The following RELN variants were observed in gnomAD, a reference collection of about 807,000 sequenced individuals.
The protein encoded by RELN is reelin.
Under a neutral mutation model 427.6 loss-of-function variants are expected in RELN, and 108 were observed. The ratio of observed to expected loss-of-function variants is 0.25; its 90% CI spans 0.22 to 0.30. The LOEUF (loss-of-function observed/expected upper bound fraction) is 0.30. Among genes scored for constraint, RELN ranks in the 10% least tolerant of loss-of-function variants. The probability of loss-of-function intolerance (pLI) is 1.00; values close to 1 mark genes in which losing one functional copy is unlikely to be tolerated. For missense variants in RELN, 3,715 were observed against 4,302.8 expected (o/e 0.86, Z 3.82); for synonymous variants, 1,524 against 1,513.4 (o/e 1.01, Z -0.16).
intron 3 of RELN, among the ~76,000 whole-genome samples, chr7:103,787,411 G>T (rs1173608149): frequency 1.3e-5 from 2 of 151,776 alleles, no homozygotes; most frequent in South Asian, 4.2e-4. Context: ...TTTCTGAAAA[G>T]ATTAGCAAAA....
intron 8 of RELN, among the ~76,000 whole-genome samples, chr7:103,710,037 T>G (rs986901864): frequency 6.6e-6 from 1 of 152,122 alleles, no homozygotes; most frequent in African/African-American, 2.4e-5. Flanking sequence ...GAACGTATAT[T>G]TATCAATGTA....
chr7:103,929,023 G>T (rs1435061739), intron 1 of RELN, among the ~76,000 whole-genome samples: 3 of 152,192 alleles, frequency 2.0e-5, no homozygotes, highest in African/African-American at 4.8e-5. Context: ...AAGAGATGAG[G>T]TTAAGTCAGC....
At chr7:103,592,863 G>A (rs1348370817) in intron 27 of RELN, among the ~76,000 whole-genome samples, 2 of 152,164 alleles carry the variant, frequency 1.3e-5, no homozygotes, top group East Asian at 3.9e-4. Flanking sequence ...TTTTTCCATT[G>A]TAGTTTAGCA....
chr7:103,914,549 C>G (rs1795441229), intron 2 of RELN, among the ~76,000 whole-genome samples: 1 of 152,028 alleles, frequency 6.6e-6, no homozygotes, highest in South Asian at 2.1e-4. Flanking sequence ...TCTGGAAAAG[C>G]TAATTTTATC....
intron 1 of RELN, among the ~76,000 whole-genome samples, chr7:103,982,788 C>G (rs773921420): frequency 3.9e-4 from 60 of 152,134 alleles, no homozygotes; most frequent in Non-Finnish European, 7.3e-4. Flanking sequence ...TCGGTGCTAT[C>G]TATAACATGT....
rs1336511176 is a variant in RELN, at chr7:103,700,953, C to A, written c.859G>T (p.Ala287Ser). The A allele has an allele frequency of 6.2e-7, 1 of 1,611,850 alleles. No homozygotes were observed. Among genetic ancestry groups the A allele is most frequent in the Admixed American group, 1.7e-5 (1 of 59,968 alleles). ...YSDPSIIVLY[A>S]KNNSADWIQL... is the part of the protein sequence containing the mutation. ...ATCCAGTCCGCAGAGTTATTCTTGG[C>A]ATATAACACGATGATGCTGGGGTCT... is the stretch of plus-strand genomic sequence containing the variant. Residue 287 changes from alanine (A) to serine (S), a missense_variant, in exon 9 of 65, where the codon GCC becomes TCC. Ala to Ser is a moderately conservative substitution (Grantham distance 99, BLOSUM62 1). Around this residue, in one of 4 missense-constraint regions of RELN, gnomAD observed 2,208 missense variants for 2,361.7 expected, o/e 0.93. Transcript: ENST00000428762.
At chr7:103,911,360 G>A (rs1416309383) in intron 2 of RELN, among the ~76,000 whole-genome samples, 1 of 149,152 alleles carries the variant, frequency 6.7e-6, no homozygotes, top group Non-Finnish European at 1.5e-5. Flanking sequence ...AACAACAGGT[G>A]CTGGAGAGGA....
At chr7:103,596,047 G>A (rs2065741018) in intron 25 of RELN, among the ~76,000 whole-genome samples, 1 of 152,156 alleles carries the variant, frequency 6.6e-6, no homozygotes, top group Non-Finnish European at 1.5e-5. Flanking sequence ...AGCCCTTGGT[G>A]CAGCCATGTG....
At chr7:103,575,863 C>T (rs746843101) in intron 28 of RELN, among the ~76,000 whole-genome samples, 158 bp from the exon 29 acceptor site, 51 of 152,090 alleles carry the variant, frequency 3.4e-4, no homozygotes, top group Non-Finnish European at 6.0e-4. Context: ...TCTCTCAGAC[C>T]TTTCTCTCTC....
At chr7:103,805,546 T>C (rs991994246) in intron 3 of RELN, among the ~76,000 whole-genome samples, 4 of 152,158 alleles carry the variant, frequency 2.6e-5, no homozygotes, top group Admixed American at 6.6e-5. Context: ...GTCAGAGACA[T>C]GAGTGGGTCC....
intron 2 of RELN, among the ~76,000 whole-genome samples, chr7:103,849,198 T>C (rs1793754368): frequency 6.6e-6 from 1 of 152,258 alleles, no homozygotes; most frequent in African/African-American, 2.4e-5. Flanking sequence ...TGCTATCATG[T>C]CTGGGAGTAA....
chr7:103,918,290 G>A (rs28627926), intron 1 of RELN, among the ~76,000 whole-genome samples: 9,891 of 152,000 alleles, frequency 0.065, 1,045 homozygotes, highest in African/African-American at 0.22. Flanking sequence ...TTTAGTGCTG[G>A]CACATCAACC....
At chr7:103,615,492 T>C (rs1422369980) in intron 20 of RELN, among the ~76,000 whole-genome samples, 1 of 152,162 alleles carries the variant, frequency 6.6e-6, no homozygotes. Flanking sequence ...CCTCAGAACC[T>C]TGCCTACAAC....
chr7:103,631,429 G>A (rs1832465421), intron 19 of RELN, among the ~76,000 whole-genome samples: 1 of 151,512 alleles, frequency 6.6e-6, no homozygotes, highest in Non-Finnish European at 1.5e-5. Context: ...GTGTAGCTGG[G>A]ACTACAGGCA....
intron 51 of RELN, among the ~76,000 whole-genome samples, chr7:103,510,016 T>C (rs530691398): frequency 9.9e-5 from 15 of 152,184 alleles, no homozygotes; most frequent in African/African-American, 3.4e-4. Context: ...TGTGGAGAAA[T>C]AGGAACGCTT....
chr7:103,476,137 A>G (rs1828023947), intron 64 of RELN, among the ~76,000 whole-genome samples: 1 of 152,078 alleles, frequency 6.6e-6, no homozygotes, highest in Non-Finnish European at 1.5e-5. Flanking sequence ...ATAGTAATGG[A>G]CTTGCTATAG....
chr7:103,909,876 C>T (rs1203645596), intron 2 of RELN, among the ~76,000 whole-genome samples: 1 of 124,100 alleles, frequency 8.1e-6, no homozygotes, highest in Non-Finnish European at 1.5e-5. Flanking sequence ...AATTATACTC[C>T]TATCTACCTA....
At chr7:103,497,054 C>T (rs1036165013) in intron 55 of RELN, among the ~76,000 whole-genome samples, 13 of 152,178 alleles carry the variant, frequency 8.5e-5, no homozygotes, top group African/African-American at 3.1e-4. Flanking sequence ...ATTCTTATTT[C>T]TCACAAATAA....
intron 41 of RELN, among the ~76,000 whole-genome samples, chr7:103,549,324 G>A (rs1384276295): frequency 1.3e-5 from 2 of 152,152 alleles, no homozygotes; most frequent in Non-Finnish European, 2.9e-5. Flanking sequence ...CTCACATGGT[G>A]GAAGAGGCAA....
Sources: allele counts gnomAD v4.1 joint callset (sites outside exome capture counted in the v4.1 genomes callset), GRCh38; gene constraint gnomAD v4.1.1; regional missense constraint gnomAD v4.1.1; transcripts MANE v1.5; gene names NCBI Gene and HGNC (gene_info 2026-07-23, HGNC 2026-07-21).